POMZP3: variants seen among roughly 807,000 people sequenced by gnomAD.
POMZP3 encodes the protein POM121 and ZP3 fusion protein.
POMZP3 carries 10 observed loss-of-function variants against 19.8 expected under a neutral mutation model. That is an observed-to-expected ratio of 0.51 (90% CI 0.31 to 0.86). The LOEUF (loss-of-function observed/expected upper bound fraction) is 0.86, where lower values mean the gene tolerates loss of function less well. Ranked by LOEUF, POMZP3 falls within the 40% of genes least tolerant of loss-of-function variation. POMZP3 has a pLI of 0.04. For missense variants in POMZP3, 152 were observed against 228.1 expected, an observed-to-expected ratio of 0.67 and a Z score of 2.15; for synonymous variants, 57 against 85.8, an observed-to-expected ratio of 0.66 and a Z score of 1.85.
chr7:76,623,852 T>C (rs1301435454), intron 3 of POMZP3, among the ~76,000 whole-genome samples: 1 of 151,798 alleles, frequency 6.6e-6, no homozygotes, highest in Non-Finnish European at 1.5e-5. Flanking sequence ...GCACGCTTGG[T>C]GACCGTGCTA....
intron 4 of POMZP3, among the ~76,000 whole-genome samples, chr7:76,615,827 A>G (rs1397038848): frequency 1.2e-5 from 1 of 86,202 alleles, no homozygotes; most frequent in Non-Finnish European, 2.3e-5. Flanking sequence ...TACTAAAAAT[A>G]TAACAGGCAC....
intron 3 of POMZP3, 95 bp downstream of exon 3, chr7:76,625,427 T>C (rs1815822364): frequency 6.3e-7 from 1 of 1,585,712 alleles, no homozygotes; most frequent in African/African-American, 1.3e-5. Context: ...GCTCACAAAC[T>C]GGAGGTGGCC....
Position 76,626,119 on chromosome 7 carries a change from T to G in POMZP3, c.-55A>C, listed in dbSNP as rs968332496. On this transcript the variant is annotated 5_prime_UTR_variant, in exon 2 of 7. Coordinates refer to ENST00000310842, the MANE Select transcript of POMZP3 (RefSeq NM_012230.5). ...TCTTGTGATAACCATTCCAGCACACTGTGGGAAGTACCCCCGGACAGGAAT... is the reference window on the plus strand; with the variant it reads ...TCTTGTGATAACCATTCCAGCACACGGTGGGAAGTACCCCCGGACAGGAAT... 1.3e-5 allele frequency: 21 copies of G among 1,613,368 alleles called. No individual in the cohort carries two copies. In the African/African-American group the frequency reaches 1.6e-4, roughly 12 times the overall value.
At position 76,626,532 on chromosome 7, in the gene POMZP3, T is replaced by C. The variant is rs1815910030; in HGVS notation, c.-152+176A>G. 4.8e-6 allele frequency: 3 copies of C among 620,596 alleles called. No homozygotes were observed. The East Asian group carries it at 8.5e-5, about 18-fold the overall frequency. The allele number at this position is 620,596 out of a possible 1,614,324, so 38.4% of individuals were successfully genotyped here. ...AAGGGAATCGTTTTGGCAACACATC[T>C]CACACCAAGCAAGAGTCAGAGGCCA... On this transcript the variant is annotated intron_variant, in intron 1 of 6. Coordinates refer to ENST00000310842, the MANE Select transcript of POMZP3 (RefSeq NM_012230.5).
chr7:76,623,896 G>A (rs1225994861), intron 3 of POMZP3, among the ~76,000 whole-genome samples: 3 of 150,228 alleles, frequency 2.0e-5, no homozygotes, highest in African/African-American at 7.4e-5. Context: ...TTAAATAAGA[G>A]CAATTTTGTT....
chr7:76,614,563 C>CAAA (rs1385473951), intron 4 of POMZP3, among the ~76,000 whole-genome samples: 21 of 67,226 alleles, frequency 3.1e-4, no homozygotes, highest in African/African-American at 1.5e-3. Flanking sequence ...TCCATTTCCC[C>CAAA]CAAAAAAAAA....
intron 1 of POMZP3, 189 bp from the exon 2 acceptor site, chr7:76,626,404 A>AG: frequency 1.6e-6 from 1 of 618,204 alleles, no homozygotes; most frequent in Non-Finnish European, 2.8e-6. Flanking sequence ...CAGCTGCTTA[A>AG]CAGCTGTCTC....
chr7:76,623,074 G>A (rs1411318263), intron 3 of POMZP3, among the ~76,000 whole-genome samples: 3 of 151,016 alleles, frequency 2.0e-5, no homozygotes, highest in Non-Finnish European at 4.4e-5. Context: ...GTTGCACTAT[G>A]TTGGCCAGGC....
chr7:76,611,279 T>G lies in POMZP3; in HGVS notation c.*11+175A>C, dbSNP rs192449944. ...CCTGGCTGCCACCGAGGTGGAAGGC[T>G]GAGAGCCCCCTCCTGCTTAACCCCA... On this transcript the variant is annotated intron_variant, in intron 6 of 6. Coordinates refer to ENST00000310842, the MANE Select transcript of POMZP3 (RefSeq NM_012230.5). Among the ~76,000 whole-genome samples, 81 of 151,946 alleles carry G rather than the reference T, an allele frequency of 5.3e-4. 1 individual carries two copies. Among genetic ancestry groups the G allele is most frequent in the African/African-American group, 1.9e-3 (78 of 41,430 alleles).
chr7:76,619,589 CTTTTTTT>C (rs374900039), intron 3 of POMZP3, among the ~76,000 whole-genome samples: 1 of 138,778 alleles, frequency 7.2e-6, no homozygotes, highest in Non-Finnish European at 1.6e-5. Flanking sequence ...GAGATGGTGT[CTTTTTTT>C]TTTTTTTTGG....
At chr7:76,623,289 C>T (rs189255824) in intron 3 of POMZP3, among the ~76,000 whole-genome samples, 1 of 151,924 alleles carries the variant, frequency 6.6e-6, no homozygotes, top group Non-Finnish European at 1.5e-5. Context: ...GAAATCCTAT[C>T]TATAGGAACA....
chr7:76,626,018 C>A lies in POMZP3; in HGVS notation c.47G>T (p.Arg16Ile), dbSNP rs1235030885. ...TACTCACATCGCAGAACGCGAAAAT[C>A]TTCTGTCAGGAGGGGCGATCCTCAG... ...VTLRIAPPDRRFSRSAIPEQI... is the reference protein window; with the variant it reads ...VTLRIAPPDRIFSRSAIPEQI... Residue 16 changes from arginine to isoleucine, a missense_variant, in exon 2 of 7, where the codon AGA (arginine) becomes ATA (isoleucine). By Grantham distance (97) the Arg-to-Ile change is moderately conservative. Transcript: ENST00000310842. 5.0e-6 allele frequency: 8 copies of A among 1,613,728 alleles called. No individual in the cohort carries two copies. In the Admixed American group the frequency reaches 8.3e-5, roughly 17 times the overall value.
rs987485111 is a variant in POMZP3, at chr7:76,612,858, TAAAG to T, written c.346-1049_346-1046del. Among the ~76,000 whole-genome samples, 2 of 75,538 alleles carry T rather than the reference TAAAG, an allele frequency of 2.6e-5. 1 individual carries two copies. Among genetic ancestry groups the T allele is most frequent in the Non-Finnish European group, 5.0e-5 (2 of 40,178 alleles). The allele number at this position is 75,538 out of a possible 152,430, so 49.6% of individuals were successfully genotyped here. A position where few individuals can be genotyped will look rare whatever the true frequency, so the allele number is the denominator to read the frequency against. On this transcript the variant is annotated intron_variant, in intron 4 of 6. Coordinates refer to ENST00000310842, the MANE Select transcript of POMZP3 (RefSeq NM_012230.5). ...CTGGGACCTGAGGTCCTTGGGCACATAAAGAAGCCTTTTGGACTTGCTTCTGTGG... is the reference window on the plus strand; with the variant it reads ...CTGGGACCTGAGGTCCTTGGGCACATAAGCCTTTTGGACTTGCTTCTGTGG...
intron 4 of POMZP3, among the ~76,000 whole-genome samples, chr7:76,617,686 C>T (rs1815331903): frequency 9.6e-6 from 1 of 104,416 alleles, no homozygotes; most frequent in Admixed American, 8.9e-5. Context: ...CTAACACCTG[C>T]CTTTTTTTTT....
chr7:76,625,203 C>A (rs1322657428), intron 3 of POMZP3, among the ~76,000 whole-genome samples: 1 of 147,726 alleles, frequency 6.8e-6, no homozygotes. Context: ...AAAATTCCGA[C>A]CAGAAGACTT....
chr7:76,619,061 T>G (rs1447765876), intron 3 of POMZP3, among the ~76,000 whole-genome samples: 1 of 152,150 alleles, frequency 6.6e-6, no homozygotes, highest in Non-Finnish European at 1.5e-5. Context: ...GTGCTGAGAT[T>G]ACAGGCATGA....
chr7:76,621,116 G>T (rs1224950975), intron 3 of POMZP3: 3 of 148,592 alleles, frequency 2.0e-5, no homozygotes, highest in Non-Finnish European at 4.4e-5. Context: ...TGTTGTGCAG[G>T]TCACACCTGG....
At chr7:76,625,430 A>G in intron 3 of POMZP3, 92 bp downstream of exon 3, 1 of 1,588,212 alleles carries the variant, frequency 6.3e-7, no homozygotes, top group Non-Finnish European at 8.6e-7. Flanking sequence ...CACAAACTGG[A>G]GGTGGCCTCT....
Position 76,626,076 on chromosome 7 carries a change from G to A in POMZP3, c.-12C>T, listed in dbSNP as rs770930434. ...GGGCTACACACCATCCTGGAGTTGCGAGGGGACAGCACAGCCTTCTTGTGA... is the reference window on the plus strand; with the variant it reads ...GGGCTACACACCATCCTGGAGTTGCAAGGGGACAGCACAGCCTTCTTGTGA... On this transcript the variant is annotated 5_prime_UTR_variant, in exon 2 of 7. Transcript: ENST00000310842. The A allele has an allele frequency of 6.2e-7, 1 of 1,613,804 alleles. No individual in the cohort carries two copies. The highest frequency in any genetic ancestry group is 8.5e-7 in the Non-Finnish European group (1 of 1,179,748).
Sources: gnomAD v4.1 joint callset for allele counts (sites outside exome capture counted in the v4.1 genomes callset) on GRCh38, gnomAD v4.1.1 for gene constraint, MANE v1.5 for transcripts, NCBI Gene and HGNC (gene_info 2026-07-23, HGNC 2026-07-21) for gene names.